Variants in GAS2 observed in about 807,000 individuals in gnomAD.
GAS2 encodes the protein growth arrest specific 2.
In GAS2, 20 loss-of-function variants were observed where a neutral mutation model predicts 37.5. That is an observed-to-expected ratio of 0.53 (90% CI 0.37 to 0.77). GAS2 has a LOEUF of 0.77. Among genes scored for constraint, GAS2 ranks in the 30% least tolerant of loss-of-function variants. The pLI is 0.00. For missense variants in GAS2, 336 were observed against 373.4 expected (o/e 0.90, Z 0.82); for synonymous variants, 144 against 132.2 (o/e 1.09, Z -0.61).
At chr11:22,780,169 G>GA (rs1273684563) in intron 7 of GAS2, among the ~76,000 whole-genome samples, 1 of 152,112 alleles carries the variant, frequency 6.6e-6, no homozygotes, top group Non-Finnish European at 1.5e-5. Context: ...GGGGAACTCT[G>GA]AAAAATAGAA....
chr11:22,769,869 G>A (rs1051828445), intron 7 of GAS2, among the ~76,000 whole-genome samples: 7 of 152,126 alleles, frequency 4.6e-5, no homozygotes, highest in Non-Finnish European at 8.8e-5. Context: ...TGTCTCCTGT[G>A]TCATGTAACT....
intron 7 of GAS2, among the ~76,000 whole-genome samples, chr11:22,808,226 A>G (rs1189772782): frequency 1.3e-5 from 2 of 152,226 alleles, no homozygotes; most frequent in African/African-American, 4.8e-5. Context: ...GAACCTTCAC[A>G]TGATAAAGCT....
chr11:22,780,557 CAA>C (rs34289288), intron 7 of GAS2, among the ~76,000 whole-genome samples: 7 of 90,302 alleles, frequency 7.8e-5, no homozygotes, highest in Admixed American at 1.3e-4. Context: ...GACTCTGTCT[CAA>C]AAAAAAAAAA....
intron 7 of GAS2, among the ~76,000 whole-genome samples, chr11:22,786,165 T>C (rs1192747048): frequency 6.6e-6 from 1 of 152,140 alleles, no homozygotes; most frequent in Non-Finnish European, 1.5e-5. Flanking sequence ...CTTAGTTCTG[T>C]TAAAACAATC....
chr11:22,732,543 T>C (rs1394412657), intron 4 of GAS2, among the ~76,000 whole-genome samples: 1 of 151,708 alleles, frequency 6.6e-6, no homozygotes, highest in African/African-American at 2.4e-5. Context: ...CTCAGATCAG[T>C]TTTATAGCCC....
intron 3 of GAS2, among the ~76,000 whole-genome samples, chr11:22,695,837 T>A (rs1322165890): frequency 1.3e-5 from 2 of 152,180 alleles, no homozygotes; most frequent in African/African-American, 4.8e-5. Context: ...TGAAAGTGAT[T>A]TTCCTGAATT....
intron 3 of GAS2, among the ~76,000 whole-genome samples, chr11:22,707,570 T>G (rs886208032): frequency 2.0e-4 from 30 of 152,162 alleles, no homozygotes; most frequent in African/African-American, 7.0e-4. Flanking sequence ...GGAAACAGTT[T>G]GTCTAAGTGC....
chr11:22,698,126 A>G (rs1183262871), intron 3 of GAS2, among the ~76,000 whole-genome samples: 1 of 152,134 alleles, frequency 6.6e-6, no homozygotes, highest in Non-Finnish European at 1.5e-5. Context: ...CGCTAGCAAG[A>G]CTAATAAAGA....
chr11:22,779,926 G>C (rs569393612), intron 7 of GAS2, among the ~76,000 whole-genome samples: 1 of 152,276 alleles, frequency 6.6e-6, no homozygotes, highest in African/African-American at 2.4e-5. Flanking sequence ...CAAGCACCCT[G>C]TAATTTTCTT....
chr11:22,707,474 A>G (rs1013538411), intron 3 of GAS2, among the ~76,000 whole-genome samples: 1 of 152,200 alleles, frequency 6.6e-6, no homozygotes, highest in Non-Finnish European at 1.5e-5. Flanking sequence ...ACAAATGTTT[A>G]TAGACTTGAC....
At chr11:22,723,891 A>AT (rs538356028) in intron 3 of GAS2, among the ~76,000 whole-genome samples, 7 of 151,192 alleles carry the variant, frequency 4.6e-5, no homozygotes, top group South Asian at 2.1e-4. Flanking sequence ...TACTACTTTG[A>AT]TTTTTTTTTA....
chr11:22,637,422 AATTAT>A (rs1350847159), intron 1 of GAS2, among the ~76,000 whole-genome samples: 1 of 57,256 alleles, frequency 1.7e-5, no homozygotes, highest in East Asian at 3.4e-4. Context: ...ATATAATATT[AATTAT>A]ATTAATAGTA....
At position 22,696,188 on chromosome 11, in the gene GAS2, C is replaced by T. The variant is rs865862323; in HGVS notation, c.267+10399C>T. Reference sequence around the variant, plus strand: ...GTTCCCACCTATGAGTGAGAACATGCGGTGTTTGGTTTTTTGTCCTTGCGA... The same window carrying T: ...GTTCCCACCTATGAGTGAGAACATGTGGTGTTTGGTTTTTTGTCCTTGCGA... On this transcript the variant is annotated intron_variant, in intron 3 of 7. Transcript: ENST00000454584. Among the ~76,000 whole-genome samples the T allele has an allele frequency of 5.4e-5, 8 of 149,334 alleles. No homozygotes were observed. In the South Asian group the frequency reaches 1.5e-3, roughly 28 times the overall value.
chr11:22,669,273 CTGTCATTAG>C, intron 1 of GAS2, among the ~76,000 whole-genome samples: 1 of 30,952 alleles, frequency 3.2e-5, no homozygotes, highest in South Asian at 1.4e-3. Context: ...AGTCATTAGA[CTGTCATTAG>C]ACTGTCAGAT....
intron 1 of GAS2, among the ~76,000 whole-genome samples, chr11:22,672,024 G>A (rs80293959): frequency 0.033 from 5,058 of 152,194 alleles, 81 homozygotes; most frequent in Middle Eastern, 0.078. Context: ...TTGAGAATCT[G>A]AATTCTTTTA....
chr11:22,637,218 TAGTATACTAATATAATATTA>T (rs1417567987), intron 1 of GAS2, among the ~76,000 whole-genome samples: 19 of 95,374 alleles, frequency 2.0e-4, no homozygotes, highest in African/African-American at 6.0e-4. Flanking sequence ...CTTATGTTAA[TAGTATACTAATATAATATTA>T]ATTATATTAA....
At chr11:22,749,342 G>T in intron 6 of GAS2, 81 bp downstream of exon 6, 1 of 1,271,590 alleles carries the variant, frequency 7.9e-7, no homozygotes. Flanking sequence ...TCTCGTATCA[G>T]TCTAATCTTT....
intron 7 of GAS2, among the ~76,000 whole-genome samples, chr11:22,760,879 T>G (rs1280193769): frequency 2.6e-5 from 4 of 152,176 alleles, no homozygotes; most frequent in Admixed American, 2.6e-4. Context: ...TTAAAAGCCC[T>G]CTGAAAGTTG....
chr11:22,806,178 C>T (rs1359638290), intron 7 of GAS2, among the ~76,000 whole-genome samples: 1 of 152,114 alleles, frequency 6.6e-6, no homozygotes, highest in African/African-American at 2.4e-5. Flanking sequence ...TCACATGCCT[C>T]CGACAAAATC....
Sources: allele counts gnomAD v4.1 joint callset (sites outside exome capture counted in the v4.1 genomes callset), GRCh38; gene constraint gnomAD v4.1.1; transcripts MANE v1.5; gene names NCBI Gene and HGNC (gene_info 2026-07-23, HGNC 2026-07-21).